Variants in BCAR3 observed in about 807,000 individuals in gnomAD.
BCAR3 encodes the protein BCAR3 adaptor protein, NSP family member.
A neutral mutation model predicts 80.1 loss-of-function variants in BCAR3; 37 were observed. The observed-to-expected ratio is 0.46, with a 90% confidence interval of 0.36 to 0.61. BCAR3 has a LOEUF of 0.61. BCAR3 is among the 20% of genes least tolerant of loss of function. The pLI, the probability that BCAR3 is intolerant of heterozygous loss-of-function variation, is 0.00. For missense variants in BCAR3, 978 were observed against 1,068.2 expected (o/e 0.92, Z 1.18); for synonymous variants, 389 against 418.9 (o/e 0.93, Z 0.87).
At chr1:93,566,967 A>G (rs1334299848) in intron 11 of BCAR3, among the ~76,000 whole-genome samples, 1 of 152,104 alleles carries the variant, frequency 6.6e-6, no homozygotes, top group African/African-American at 2.4e-5. Context: ...ACTTCAAGTG[A>G]TCTACCTGCC....
Position 93,567,379 on chromosome 1 carries a change from G to GT in BCAR3, c.2198dup (p.Asn733LysfsTer6). The GT allele has an allele frequency of 1.2e-6, 2 of 1,614,108 alleles. No homozygotes were observed. Among genetic ancestry groups the GT allele is most frequent in the Non-Finnish European group, 1.7e-6 (2 of 1,180,026 alleles). On this transcript the variant is annotated frameshift_variant, in exon 11 of 12. Transcript: ENST00000260502. LOFTEE classifies it high-confidence loss of function. ...TCAGCATGATTTCACAGCTCTGGTC[G>GT]TTTTTTTCCCACATGTCGGTTCCTT... is the stretch of plus-strand genomic sequence containing the variant.
At chr1:93,726,168 G>A (rs959732927) in intron 2 of BCAR3, among the ~76,000 whole-genome samples, 2 of 151,952 alleles carry the variant, frequency 1.3e-5, no homozygotes, top group Non-Finnish European at 2.9e-5. Context: ...AGGCTCCAGC[G>A]GTTCTCCCAC....
intron 3 of BCAR3, among the ~76,000 whole-genome samples, chr1:93,693,241 T>C (rs950668381): frequency 2.0e-5 from 3 of 152,278 alleles, no homozygotes; most frequent in African/African-American, 7.2e-5. Context: ...TTCTTTTTCC[T>C]GTACTAGGCT....
intron 2 of BCAR3, among the ~76,000 whole-genome samples, chr1:93,749,406 GT>G (rs985672161): frequency 6.6e-6 from 1 of 151,844 alleles, no homozygotes; most frequent in African/African-American, 2.4e-5. Context: ...GGCTAACATG[GT>G]GAAACCCCGT....
At chr1:93,703,749 G>A (rs558935714) in intron 3 of BCAR3, among the ~76,000 whole-genome samples, 2 of 152,298 alleles carry the variant, frequency 1.3e-5, no homozygotes, top group South Asian at 4.1e-4. Flanking sequence ...CCTAGGCACA[G>A]GGAGATACAG....
At chr1:93,814,082 G>A (rs755626624) in intron 2 of BCAR3, among the ~76,000 whole-genome samples, 1 of 152,132 alleles carries the variant, frequency 6.6e-6, no homozygotes, top group Non-Finnish European at 1.5e-5. Context: ...AGTGTATCTT[G>A]TCAGGGAGCA....
At chr1:93,624,156 G>A (rs1557626892) in intron 3 of BCAR3, among the ~76,000 whole-genome samples, 1 of 152,204 alleles carries the variant, frequency 6.6e-6, no homozygotes, top group South Asian at 2.1e-4. Flanking sequence ...CAAACAAACT[G>A]CATTCTCAGC....
At chr1:93,573,464 AGTTGT>A (rs1673306719) in intron 8 of BCAR3, among the ~76,000 whole-genome samples, 2 of 152,024 alleles carry the variant, frequency 1.3e-5, no homozygotes, top group Admixed American at 6.5e-5. Flanking sequence ...TTGTTACTAG[AGTTGT>A]CTCTGTACAT....
intron 2 of BCAR3, among the ~76,000 whole-genome samples, chr1:93,817,968 C>T (rs1490071724): frequency 2.6e-5 from 4 of 152,232 alleles, no homozygotes; most frequent in East Asian, 1.9e-4. Flanking sequence ...CCACACCACA[C>T]GAAGCTTCCC....
intron 3 of BCAR3, among the ~76,000 whole-genome samples, chr1:93,620,785 T>C (rs551178005): frequency 6.6e-6 from 1 of 152,298 alleles, no homozygotes; most frequent in Admixed American, 6.5e-5. Context: ...GGTTGTCTGA[T>C]ACCAACCAAT....
intron 2 of BCAR3, among the ~76,000 whole-genome samples, chr1:93,738,704 G>C (rs1463911210): frequency 6.6e-6 from 1 of 152,174 alleles, no homozygotes; most frequent in African/African-American, 2.4e-5. Flanking sequence ...GAGAGCACTG[G>C]TCGGGGAGCA....
chr1:93,646,248 AT>A (rs1199553074), intron 2 of BCAR3, among the ~76,000 whole-genome samples: 2 of 152,224 alleles, frequency 1.3e-5, no homozygotes, highest in Non-Finnish European at 2.9e-5. Context: ...TAATTCTTAA[AT>A]TGGAAATTAC....
At chr1:93,626,582 G>T (rs1675463844) in intron 3 of BCAR3, among the ~76,000 whole-genome samples, 1 of 152,122 alleles carries the variant, frequency 6.6e-6, no homozygotes, top group African/African-American at 2.4e-5. Flanking sequence ...GCTATGATGG[G>T]TTAATTCCTG....
At chr1:93,624,534 G>A (rs1250556145) in intron 3 of BCAR3, among the ~76,000 whole-genome samples, 1 of 152,156 alleles carries the variant, frequency 6.6e-6, no homozygotes, top group Non-Finnish European at 1.5e-5. Context: ...GTCCTCCAGG[G>A]TTCAGCTACT....
At chr1:93,577,882 G>C (rs559154223) in intron 7 of BCAR3, among the ~76,000 whole-genome samples, 13 of 152,252 alleles carry the variant, frequency 8.5e-5, no homozygotes, top group African/African-American at 2.9e-4. Flanking sequence ...GCATTTCGTC[G>C]GCACATATAT....
At chr1:93,629,085 G>A (rs1675531743) in intron 3 of BCAR3, among the ~76,000 whole-genome samples, 1 of 152,180 alleles carries the variant, frequency 6.6e-6, no homozygotes, top group Admixed American at 6.5e-5. Flanking sequence ...AAAGTTATAT[G>A]TAGTTAGACA....
At chr1:93,686,748 C>T (rs1648984967), upstream of BCAR3, among the ~76,000 whole-genome samples, 1 of 152,212 alleles carries the variant, frequency 6.6e-6, no homozygotes. Flanking sequence ...TGGAGAACAG[C>T]TCCCTTTGGC....
chr1:93,797,429 G>A (rs1176534474), intron 2 of BCAR3, among the ~76,000 whole-genome samples: 1 of 152,028 alleles, frequency 6.6e-6, no homozygotes, highest in Admixed American at 6.6e-5. Flanking sequence ...TTACAATTTA[G>A]TTTGTTTGGA....
chr1:93,565,083 C>G (rs1414556041), intron 11 of BCAR3, among the ~76,000 whole-genome samples: 1 of 151,384 alleles, frequency 6.6e-6, no homozygotes, highest in East Asian at 1.9e-4. Flanking sequence ...GATAACCAAC[C>G]AAAGGCCAGA....
Sources: allele counts gnomAD v4.1 joint callset (sites outside exome capture counted in the v4.1 genomes callset), GRCh38; gene constraint gnomAD v4.1.1; transcripts MANE v1.5; gene names NCBI Gene and HGNC (gene_info 2026-07-23, HGNC 2026-07-21).